Variants in ARID2 observed in about 807,000 individuals in gnomAD.
ARID2 encodes AT-rich interaction domain 2.
Under a neutral mutation model 184.6 loss-of-function variants are expected in ARID2, and 32 were observed. The observed-to-expected ratio is 0.17, with a 90% CI of 0.13 to 0.23. The LOEUF (loss-of-function observed/expected upper bound fraction) is 0.23. Among genes scored for constraint, ARID2 ranks in the 10% least tolerant of loss-of-function variants. ARID2 has a pLI of 1.00. For synonymous variants in ARID2, 836 were observed against 772.6 expected, an observed-to-expected ratio of 1.08 and a Z score of -1.36; for missense variants, 1,696 against 2,197.6, an observed-to-expected ratio of 0.77 and a Z score of 4.56.
In ARID2 at chr12:45,850,436, G is replaced by A. The variant is rs563688060; in HGVS notation, c.2313G>A (p.Gln771=). The change falls in exon 15 of 21, where the codon CAG becomes CAA. Residue 771 remains glutamine, a synonymous_variant. Coordinates refer to ENST00000334344, the MANE Select transcript of ARID2 (RefSeq NM_152641.4). Reference sequence around the variant, plus strand: ...TTCACCATCCATCTGTAATTCCACAGCAGTCTCCATTACACACAGTGGTAC... The same window carrying A: ...TTCACCATCCATCTGTAATTCCACAACAGTCTCCATTACACACAGTGGTAC... The part of the protein sequence containing the change: ...TLLHHPSVIP[Q]QSPLHTVVPG... 49 of 1,613,934 alleles carry A rather than the reference G, an allele frequency of 3.0e-5. No homozygotes were observed. In the South Asian group the frequency reaches 4.8e-4, roughly 16 times the overall value.
chr12:45,754,167 C>A (rs968426053), intron 3 of ARID2, among the ~76,000 whole-genome samples: 8 of 152,088 alleles, frequency 5.3e-5, no homozygotes, highest in African/African-American at 1.9e-4. Flanking sequence ...GCATTTCATT[C>A]ACTTGAATGC....
At chr12:45,777,477 T>G (rs1276083742) in intron 3 of ARID2, among the ~76,000 whole-genome samples, 2 of 152,136 alleles carry the variant, frequency 1.3e-5, no homozygotes, top group Non-Finnish European at 2.9e-5. Flanking sequence ...TGCTATTATC[T>G]ATAGCTTGCA....
At position 45,893,437 on chromosome 12, in the gene ARID2, G is replaced by A. The variant is rs757492254; in HGVS notation, c.5165G>A (p.Gly1722Asp). 16 of 1,613,186 alleles carry A rather than the reference G, an allele frequency of 9.9e-6. No homozygotes were observed. The Admixed American group carries it at 2.3e-4, about 24-fold the overall frequency. ...KSSTKQPTVG[G>D]TSSTPRAQKA... is the part of the protein sequence containing the mutation. ...CAATTTAGGCAGCCAACTGTAGGGG[G>A]CACAAGCTCAACTCCTAGAGCACAA... is the stretch of plus-strand genomic sequence containing the variant. The change falls in exon 19 of 21, where the codon GGC (glycine) becomes GAC (aspartate). Residue 1722 changes from glycine (G) to aspartate (D), a missense_variant. By Grantham distance (94) the Gly-to-Asp change is moderately conservative. This residue lies in a region of ARID2 where 58 missense variants were observed against 47.1 expected (regional missense o/e 1.23). Coordinates refer to ENST00000334344, the MANE Select transcript of ARID2 (RefSeq NM_152641.4).
chr12:45,812,135 G>T (rs550595020), intron 4 of ARID2, among the ~76,000 whole-genome samples: 1 of 151,672 alleles, frequency 6.6e-6, no homozygotes, highest in East Asian at 1.9e-4. Context: ...TGGAGGTCAG[G>T]ACTGTGATGA....
chr12:45,877,009 G>A (rs779308396), intron 16 of ARID2, among the ~76,000 whole-genome samples: 11 of 149,982 alleles, frequency 7.3e-5, no homozygotes, highest in East Asian at 3.9e-4. Flanking sequence ...GGAGAATAGC[G>A]TGAACCCAGG....
At chr12:45,770,604 G>A (rs762978217) in intron 3 of ARID2, among the ~76,000 whole-genome samples, 29 of 152,304 alleles carry the variant, frequency 1.9e-4, no homozygotes, top group Middle Eastern at 3.4e-3. Flanking sequence ...TTGAATGACA[G>A]AACAGCTCTC....
intron 20 of ARID2, among the ~76,000 whole-genome samples, chr12:45,897,105 G>A (rs1269897335): frequency 2.6e-5 from 4 of 152,190 alleles, no homozygotes; most frequent in African/African-American, 9.6e-5. Flanking sequence ...GAATAGAAGA[G>A]AGGGCCCAAA....
intron 3 of ARID2, among the ~76,000 whole-genome samples, chr12:45,770,119 G>C (rs1024838732): frequency 2.0e-5 from 3 of 152,058 alleles, no homozygotes; most frequent in Non-Finnish European, 4.4e-5. Flanking sequence ...CGGGAGTGGT[G>C]GTGGGCGCCT....
At chr12:45,846,982 A>C in intron 12 of ARID2, 45 bp downstream of exon 12, 1 of 1,565,100 alleles carries the variant, frequency 6.4e-7, no homozygotes, top group Non-Finnish European at 8.8e-7. Flanking sequence ...GGGAGGAGTA[A>C]AGCAAAGAAA....
intron 16 of ARID2, among the ~76,000 whole-genome samples, chr12:45,864,307 C>T (rs920824209): frequency 7.9e-5 from 12 of 152,074 alleles, no homozygotes; most frequent in Non-Finnish European, 1.5e-4. Context: ...CCACCACCAC[C>T]ATACTCCTAC....
At chr12:45,849,894 A>G (rs1337875489) in intron 14 of ARID2, 118 bp downstream of exon 14, 26 of 1,403,752 alleles carry the variant, frequency 1.9e-5, no homozygotes, top group Non-Finnish European at 2.5e-5. Context: ...GCATTTTCTT[A>G]CTTGGTCTAT....
intron 3 of ARID2, among the ~76,000 whole-genome samples, chr12:45,758,017 T>G (rs767452915): frequency 2.0e-5 from 3 of 152,226 alleles, no homozygotes; most frequent in Non-Finnish European, 4.4e-5. Flanking sequence ...CATTTATGAA[T>G]TCCCTGTGAA....
intron 15 of ARID2, among the ~76,000 whole-genome samples, 196 bp downstream of exon 15, chr12:45,853,092 T>A (rs1191655231): frequency 6.6e-6 from 1 of 152,252 alleles, no homozygotes; most frequent in Non-Finnish European, 1.5e-5. Flanking sequence ...TAAAGAATCT[T>A]TCAATTTTGT....
chr12:45,873,066 A>G (rs1440329348), intron 16 of ARID2, among the ~76,000 whole-genome samples: 1 of 152,194 alleles, frequency 6.6e-6, no homozygotes, highest in Admixed American at 6.5e-5. Flanking sequence ...CAGTACATAT[A>G]TCTTAAGGAT....
At chr12:45,841,781 A>G (rs1487034843) in intron 11 of ARID2, 3 of 152,226 alleles carry the variant, frequency 2.0e-5, no homozygotes, top group Non-Finnish European at 4.4e-5. Flanking sequence ...CAGAAATTTT[A>G]TAATATTCCT....
At chr12:45,805,432 G>A (rs544349800) in intron 3 of ARID2, among the ~76,000 whole-genome samples, 1 of 152,080 alleles carries the variant, frequency 6.6e-6, no homozygotes, top group African/African-American at 2.4e-5. Flanking sequence ...AAATTCAGAT[G>A]AGGAGTATTG....
rs145854622 is a variant in ARID2 at position 45,851,700 on chromosome 12, A to G, written c.3577A>G (p.Thr1193Ala). ...TGCAACTGTGAGTCAGGGAAATGCA[A>G]CTCAGCTCATTGCTCCAGCAGGAAT... ...APATVSQGNA[T>A]QLIAPAGITM... is the part of the protein sequence containing the mutation. Residue 1193 changes from threonine to alanine, a missense_variant, in exon 15 of 21, where the codon ACT becomes GCT. Transcript: ENST00000334344. The G allele has an allele frequency of 1.4e-5, 22 of 1,613,986 alleles. No homozygotes were observed. The Admixed American group carries it at 1.7e-4, about 12-fold the overall frequency.
intron 3 of ARID2, among the ~76,000 whole-genome samples, chr12:45,755,592 A>T (rs1389238717): frequency 1.3e-5 from 2 of 152,224 alleles, no homozygotes; most frequent in Non-Finnish European, 2.9e-5. Flanking sequence ...AAACTGTTCT[A>T]TATTTTATTT....
chr12:45,896,457 C>A (rs1448899547), intron 20 of ARID2, among the ~76,000 whole-genome samples: 1 of 152,166 alleles, frequency 6.6e-6, no homozygotes, highest in East Asian at 1.9e-4. Flanking sequence ...CACGTCTCTC[C>A]TGTGCTGTTC....
Sources: allele counts gnomAD v4.1 joint callset (sites outside exome capture counted in the v4.1 genomes callset), GRCh38; gene constraint gnomAD v4.1.1; regional missense constraint gnomAD v4.1.1; transcripts MANE v1.5; gene names NCBI Gene and HGNC (gene_info 2026-07-23, HGNC 2026-07-21).